Variants in COL28A1 observed in about 807,000 individuals in gnomAD.
COL28A1 encodes collagen alpha-1(XXVIII) chain.
A neutral mutation model predicts 150.2 loss-of-function variants in COL28A1; 161 were observed. The ratio of observed to expected loss-of-function variants is 1.07; its 90% CI spans 0.94 to 1.22. The LOEUF (loss-of-function observed/expected upper bound fraction) is 1.22. Among genes scored for constraint, COL28A1 ranks in the 50% most tolerant of loss-of-function variants. The pLI, the probability that COL28A1 is intolerant of heterozygous loss-of-function variation, is 0.00. For missense variants in COL28A1, 1,617 were observed against 1,388.3 expected, an observed-to-expected ratio of 1.16 and a Z score of -2.62; for synonymous variants, 552 against 469.7, an observed-to-expected ratio of 1.18 and a Z score of -2.26.
intron 13 of COL28A1, among the ~76,000 whole-genome samples, chr7:7,486,289 T>G (rs1160574240): frequency 6.6e-6 from 1 of 152,196 alleles, no homozygotes; most frequent in Non-Finnish European, 1.5e-5. Flanking sequence ...TATGTTGATA[T>G]TGTACCCTGT....
Position 7,498,502 on chromosome 7 carries a change from T to C in COL28A1, c.1026+7512A>G, listed in dbSNP as rs146602504. ...GAGTTATTGGTTAATGGGTACAGAG[T>C]TTATGTTGAGACAATGAAAAACTTT... On this transcript the variant is annotated intron_variant, in intron 11 of 34. Coordinates refer to ENST00000399429, the MANE Select transcript of COL28A1 (RefSeq NM_001037763.3). Among the ~76,000 whole-genome samples, 144 of 152,148 alleles carry C rather than the reference T, an allele frequency of 9.5e-4. 2 individuals carry two copies. Among genetic ancestry groups the C allele is most frequent in the Admixed American group, 8.1e-3 (124 of 15,270 alleles).
In COL28A1 at chr7:7,442,959, C is replaced by T. The variant is rs184590940; in HGVS notation, c.1650+626G>A. 4.9e-3 allele frequency among the ~76,000 whole-genome samples: 742 copies of T among 150,870 alleles called. 9 individuals are homozygous for T. Among genetic ancestry groups the T allele is most frequent in the East Asian group, 0.029 (147 of 5,132 alleles). On this transcript the variant is annotated intron_variant, in intron 20 of 34. Coordinates refer to ENST00000399429, the MANE Select transcript of COL28A1 (RefSeq NM_001037763.3). ...CTGAGGCAGGAAAATCGCTTGAACC[C>T]GGGAGGCGGAGGTTGTAGTGAGCCA...
chr7:7,432,596 A>G (rs1406080033), intron 24 of COL28A1, 36 bp downstream of exon 24: 6 of 1,612,880 alleles, frequency 3.7e-6, no homozygotes, highest in African/African-American at 2.7e-5. Context: ...GCAACACTCA[A>G]AAAGGAGGGA....
At chr7:7,381,195 TG>T (rs1781854187) in intron 28 of COL28A1, among the ~76,000 whole-genome samples, 1 of 152,148 alleles carries the variant, frequency 6.6e-6, no homozygotes. Context: ...GTTGTAAGTA[TG>T]TTGTAAGATA....
At chr7:7,522,208 C>T in intron 4 of COL28A1, 1 of 494,198 alleles carries the variant, frequency 2.0e-6, no homozygotes, top group Non-Finnish European at 3.7e-6. Context: ...AGCTAGCTAA[C>T]AAAATATTAT....
chr7:7,425,733 T>C (rs1390519513), intron 25 of COL28A1, among the ~76,000 whole-genome samples: 1 of 152,182 alleles, frequency 6.6e-6, no homozygotes, highest in Non-Finnish European at 1.5e-5. Flanking sequence ...GTCTATTAAT[T>C]TATCATAATA....
chr7:7,452,239 G>A (rs1423428945), intron 18 of COL28A1, 80 bp downstream of exon 18: 12 of 1,558,432 alleles, frequency 7.7e-6, no homozygotes, highest in Non-Finnish European at 9.5e-6. Context: ...CACAGAGTCT[G>A]TAAGGCAATT....
At chr7:7,455,930 C>A in intron 16 of COL28A1, 114 bp downstream of exon 16, 1 of 1,389,054 alleles carries the variant, frequency 7.2e-7, no homozygotes, top group Non-Finnish European at 9.6e-7. Flanking sequence ...TTATACTCCA[C>A]TGCAATTAAC....
intron 12 of COL28A1, 107 bp from the exon 13 acceptor site, chr7:7,489,564 A>C: frequency 1.4e-6 from 1 of 719,658 alleles, no homozygotes; most frequent in Non-Finnish European, 2.4e-6. Context: ...GAAATAGACA[A>C]AATGTTGGTT....
At chr7:7,463,062 G>A (rs1013582569) in intron 15 of COL28A1, among the ~76,000 whole-genome samples, 5 of 151,790 alleles carry the variant, frequency 3.3e-5, no homozygotes, top group African/African-American at 9.7e-5. Flanking sequence ...AAGAATAATT[G>A]GTGTTCCTGA....
chr7:7,432,739 A>G (rs1179828860), intron 23 of COL28A1, 39 bp from the exon 24 acceptor site: 7 of 1,501,680 alleles, frequency 4.7e-6, no homozygotes, highest in African/African-American at 1.4e-5. Context: ...ATGAGACTCA[A>G]CTAGAAAACA....
intron 11 of COL28A1, among the ~76,000 whole-genome samples, chr7:7,492,692 A>G (rs1779987647): frequency 6.6e-6 from 1 of 151,258 alleles, no homozygotes. Context: ...CCCAGAAGAT[A>G]TGCCCAGGCT....
At chr7:7,457,557 G>T (rs1787265690) in intron 15 of COL28A1, among the ~76,000 whole-genome samples, 1 of 152,184 alleles carries the variant, frequency 6.6e-6, no homozygotes, top group African/African-American at 2.4e-5. Flanking sequence ...AGAGGCCTGG[G>T]ATGAGAACAT....
intron 27 of COL28A1, 68 bp from the exon 28 acceptor site, chr7:7,381,680 G>C: frequency 9.6e-7 from 1 of 1,036,690 alleles, no homozygotes; most frequent in South Asian, 1.3e-5. Context: ...CTTTGGGTCA[G>C]AAACACACTT....
At chr7:7,417,335 G>C (rs1784136841) in intron 27 of COL28A1, among the ~76,000 whole-genome samples, 1 of 151,494 alleles carries the variant, frequency 6.6e-6, no homozygotes, top group Admixed American at 6.6e-5. Context: ...GGAGAGCTTT[G>C]AAAACCACAG....
At chr7:7,458,192 G>A (rs148942459) in intron 15 of COL28A1, among the ~76,000 whole-genome samples, 2,054 of 152,262 alleles carry the variant, frequency 0.013, 55 homozygotes, top group African/African-American at 0.046. Context: ...AGAGGTGGGC[G>A]GATCCCCTGA....
intron 33 of COL28A1, among the ~76,000 whole-genome samples, chr7:7,366,277 T>C (rs1198292030): frequency 2.6e-5 from 4 of 152,122 alleles, no homozygotes; most frequent in African/African-American, 4.8e-5. Flanking sequence ...AATTTTAAAA[T>C]AGTTTTGAAA....
intron 27 of COL28A1, among the ~76,000 whole-genome samples, chr7:7,397,687 G>C (rs1420134215): frequency 1.3e-5 from 2 of 152,126 alleles, no homozygotes; most frequent in African/African-American, 4.8e-5. Context: ...TTGCTATCTG[G>C]ATTTGCTCCA....
At chr7:7,474,056 CTATATATATATGGAATATATA>C (rs1395666254) in intron 15 of COL28A1, among the ~76,000 whole-genome samples, 35 of 139,966 alleles carry the variant, frequency 2.5e-4, no homozygotes, top group African/African-American at 9.0e-4. Context: ...ACTATATACT[CTATATATATATGGAATATATA>C]TATATATATA....
Sources: allele counts gnomAD v4.1 joint callset (sites outside exome capture counted in the v4.1 genomes callset), GRCh38; gene constraint gnomAD v4.1.1; transcripts MANE v1.5; gene names NCBI Gene and HGNC (gene_info 2026-07-23, HGNC 2026-07-21).